The following ABL1 variants were observed in gnomAD, a reference collection of about 807,000 sequenced individuals.
The protein encoded by ABL1 is ABL proto-oncogene 1, non-receptor tyrosine kinase.
In ABL1, 11 loss-of-function variants were observed where a neutral mutation model predicts 94.7. The observed-to-expected ratio is 0.12, with a 90% CI of 0.07 to 0.19. The LOEUF (loss-of-function observed/expected upper bound fraction) is 0.19. Ranked by LOEUF, ABL1 falls within the 10% of genes least tolerant of loss-of-function variation. ABL1 has a pLI of 1.00. For synonymous variants in ABL1, 656 were observed against 622.4 expected (o/e 1.05, Z -0.80); for missense variants, 1,082 against 1,489.4 (o/e 0.73, Z 4.50).
rs563512806 is a variant in ABL1, at chr9:130,741,362, T to TA, written c.136+26908dup. ...GCCAGAGTAACAGTTACAGCACTGG[T>TA]ATACCAGCTACCATGCCGGAGTAAC... On this transcript the variant is annotated intron_variant, in intron 1 of 10. Coordinates refer to the ABL1 transcript ENST00000372348. 4.3e-4 allele frequency among the ~76,000 whole-genome samples: 65 copies of TA among 151,790 alleles called. No individual in the cohort carries two copies. The South Asian group carries it at 0.013, about 31-fold the overall frequency.
chr9:130,849,638 C>T (rs1308141789), intron 1 of ABL1, among the ~76,000 whole-genome samples: 1 of 152,160 alleles, frequency 6.6e-6, no homozygotes, highest in African/African-American at 2.4e-5. Context: ...CCTGCCTCAA[C>T]TCCTTAGCAG....
chr9:130,746,999 A>G (rs1831896243), intron 1 of ABL1, among the ~76,000 whole-genome samples: 1 of 152,020 alleles, frequency 6.6e-6, no homozygotes, highest in African/African-American at 2.4e-5. Flanking sequence ...GGCCACCTGC[A>G]TTGCTTGGTT....
rs780164415 is a variant in ABL1 at position 130,885,595 on chromosome 9, C to T, written c.3305C>T (p.Ala1102Val). 1.3e-5 allele frequency: 21 copies of T among 1,613,658 alleles called. No homozygotes were observed. Among genetic ancestry groups the T allele is most frequent in the East Asian group, 4.5e-5 (2 of 44,892 alleles). ...NNLRELQICP[A>V]TAGSGPAATQ... The stretch of plus-strand genomic sequence containing the variant: ...CTCCGGGAGCTTCAGATCTGCCCGG[C>T]GACAGCAGGCAGTGGTCCAGCGGCC... Residue 1102 changes from alanine (A) to valine (V), a missense_variant, in exon 11 of 11, where the codon GCG becomes GTG. Transcript: ENST00000318560.
At chr9:130,751,129 CTTTTTTTTTTTTTTTTTT>C (rs60206110) in intron 1 of ABL1, among the ~76,000 whole-genome samples, 19 of 57,484 alleles carry the variant, frequency 3.3e-4, no homozygotes, top group South Asian at 1.7e-3. Flanking sequence ...TTTTATTCAG[CTTTTTTTTTTTTTTTTTT>C]TTTTTTTTTT....
intron 1 of ABL1, among the ~76,000 whole-genome samples, chr9:130,720,378 G>C (rs1427031208): frequency 6.6e-6 from 1 of 152,168 alleles, no homozygotes; most frequent in Non-Finnish European, 1.5e-5. Context: ...GAAGGAGGAA[G>C]ATGAGCAGCA....
rs372838676 is a variant in ABL1, at chr9:130,769,329, C to CTTTTTTTTTTT, written c.136+54886_136+54896dup. 1.1e-3 allele frequency among the ~76,000 whole-genome samples: 90 copies of CTTTTTTTTTTT among 84,318 alleles called. 8 individuals carry two copies. Among genetic ancestry groups the CTTTTTTTTTTT allele is most frequent in the African/African-American group, 3.3e-3 (72 of 21,546 alleles). 55.3% of individuals were successfully genotyped at this position (84,318 alleles called of 152,430 possible). On this transcript the variant is annotated intron_variant, in intron 1 of 10. Coordinates refer to the ABL1 transcript ENST00000372348. ...TGGAGAGCCAAACTATGGCCCTAGT[C>CTTTTTTTTTTT]TTTTTTTTTTTTTTTTTTTTTTGAG...
intron 4 of ABL1, among the ~76,000 whole-genome samples, chr9:130,864,446 T>G (rs1161451529): frequency 6.6e-6 from 1 of 152,180 alleles, no homozygotes; most frequent in African/African-American, 2.4e-5. Context: ...GGTTTCGCTG[T>G]GTTGGCCTGG....
rs756057097 is a variant in ABL1 at position 130,862,843 on chromosome 9, C to T, written c.630C>T (p.Ile210=). The change falls in exon 4 of 11, where the codon ATC becomes ATT. Residue 210 remains isoleucine (I), a synonymous_variant. Transcript: ENST00000318560. The surrounding 1 kb of genome is among the most constrained non-coding windows in gnomAD (Gnocchi z 5.5). ...HHHSTVADGL[I]TTLHYPAPKR... ...ATTCAACGGTGGCCGACGGGCTCAT[C>T]ACCACGCTCCATTATCCAGCCCCAA... The T allele has an allele frequency of 3.1e-6, 5 of 1,614,024 alleles. No homozygotes were observed. The highest frequency in any genetic ancestry group is 4.2e-6 in the Non-Finnish European group (5 of 1,180,022).
At chr9:130,718,247 G>A (rs1225030174) in intron 1 of ABL1, among the ~76,000 whole-genome samples, 2 of 148,620 alleles carry the variant, frequency 1.3e-5, no homozygotes, top group African/African-American at 5.0e-5. Flanking sequence ...GAGCCCCGGG[G>A]GAAGAGGTTG....
chr9:130,728,774 A>G (rs528417518), intron 1 of ABL1, among the ~76,000 whole-genome samples: 6 of 151,646 alleles, frequency 4.0e-5, no homozygotes, highest in Non-Finnish European at 5.9e-5. Context: ...TCTAAATCCT[A>G]GAAGGTATTT....
intron 1 of ABL1, among the ~76,000 whole-genome samples, chr9:130,790,869 A>T (rs112044694): frequency 6.6e-6 from 1 of 152,184 alleles, no homozygotes; most frequent in Admixed American, 6.5e-5. Flanking sequence ...AGGATCCTGG[A>T]TACCTAGAAT....
In ABL1 at chr9:130,762,016, G is replaced by A. The variant is rs184550758; in HGVS notation, c.136+47561G>A. 5.3e-5 allele frequency among the ~76,000 whole-genome samples: 8 copies of A among 152,132 alleles called. No individual in the cohort carries two copies. The East Asian group carries it at 1.5e-3, about 29-fold the overall frequency. On this transcript the variant is annotated intron_variant, in intron 1 of 10. Coordinates refer to the ABL1 transcript ENST00000372348. ...AAATTAGCTGGGCTTGCTGGCGCGT[G>A]CCTGTAATCCCAGCTACTTGGGAGG...
rs1056750180 is a variant in ABL1 at position 130,872,387 on chromosome 9, G to T, written c.907+174G>T. On this transcript the variant is annotated intron_variant, in intron 5 of 10. Transcript: ENST00000318560. The surrounding 1 kb of genome is among the most constrained non-coding windows in gnomAD (Gnocchi z 5.0). ...GCCTGTATGGGATGGGTGTGTGCGT[G>T]TGTGCACATATGCACATGTATGTAT... 6.6e-6 allele frequency among the ~76,000 whole-genome samples: 1 copy of T among 152,260 alleles called. No homozygotes were observed. The highest frequency in any genetic ancestry group is 2.4e-5 in the African/African-American group (1 of 41,468).
chr9:130,792,524 CATGTCAGA>C (rs569400460), intron 1 of ABL1, among the ~76,000 whole-genome samples: 4 of 152,118 alleles, frequency 2.6e-5, no homozygotes, highest in South Asian at 2.1e-4. Context: ...CACCAGGAGC[CATGTCAGA>C]TGTGATTTCT....
At chr9:130,756,244 C>T (rs1216862010) in intron 1 of ABL1, among the ~76,000 whole-genome samples, 2 of 152,058 alleles carry the variant, frequency 1.3e-5, no homozygotes, top group Admixed American at 6.6e-5. Context: ...ATTTGACAGA[C>T]GTGGTTAGCA....
intron 1 of ABL1, among the ~76,000 whole-genome samples, chr9:130,848,190 A>G (rs1270395537): frequency 6.6e-6 from 1 of 151,928 alleles, no homozygotes; most frequent in Non-Finnish European, 1.5e-5. Context: ...ATGCTTTTTC[A>G]TGTTAAATTA....
chr9:130,768,940 A>G (rs1588231960), intron 1 of ABL1, among the ~76,000 whole-genome samples: 2 of 152,336 alleles, frequency 1.3e-5, no homozygotes, highest in East Asian at 1.9e-4. Flanking sequence ...CAAGGGTAAT[A>G]TAATCCCATT....
chr9:130,753,532 TCTC>T (rs1182269213), intron 1 of ABL1, among the ~76,000 whole-genome samples: 1 of 148,942 alleles, frequency 6.7e-6, no homozygotes, highest in Admixed American at 6.7e-5. Context: ...TTCAAGCAAT[TCTC>T]CTGCCTCAGC....
chr9:130,731,971 A>G (rs1288641986), intron 1 of ABL1, among the ~76,000 whole-genome samples: 2 of 151,742 alleles, frequency 1.3e-5, no homozygotes, highest in Non-Finnish European at 2.9e-5. Context: ...TCAAATTTTC[A>G]ACTTTCAAAA....
Sources: gnomAD v4.1 joint callset for allele counts (sites outside exome capture counted in the v4.1 genomes callset) on GRCh38, gnomAD v4.1.1 for gene constraint, Gnocchi (gnomAD v3.1) non-coding constraint, MANE v1.5 for transcripts, NCBI Gene and HGNC (gene_info 2026-07-23, HGNC 2026-07-21) for gene names.